CPNE8: variants seen among roughly 807,000 people sequenced by gnomAD.
CPNE8 encodes copine-8.
A neutral mutation model predicts 81.5 loss-of-function variants in CPNE8; 45 were observed. The observed-to-expected ratio is 0.55, with a 90% CI of 0.44 to 0.71. The LOEUF is 0.71. CPNE8 is among the 30% of genes least tolerant of loss of function. The pLI, the probability that CPNE8 is intolerant of heterozygous loss-of-function variation, is 0.00. For synonymous variants in CPNE8, 252 were observed against 226.3 expected (o/e 1.11, Z -1.02); for missense variants, 594 against 672.1 (o/e 0.88, Z 1.28).
chr12:38,659,447 A>G (rs1386368459), intron 19 of CPNE8, among the ~76,000 whole-genome samples: 1 of 152,136 alleles, frequency 6.6e-6, no homozygotes, highest in African/African-American at 2.4e-5. Flanking sequence ...ACACAATAAT[A>G]ATGGGAGACT....
At chr12:38,904,943 A>T (rs1374422459) in intron 1 of CPNE8, among the ~76,000 whole-genome samples, 1 of 152,162 alleles carries the variant, frequency 6.6e-6, no homozygotes, top group Non-Finnish European at 1.5e-5. Context: ...GGGGAGAAGC[A>T]AGCTGGAAGG....
At chr12:38,759,683 T>C (rs1300996878) in intron 10 of CPNE8, among the ~76,000 whole-genome samples, 3 of 152,126 alleles carry the variant, frequency 2.0e-5, no homozygotes, top group Non-Finnish European at 4.4e-5. Context: ...GCAGCTAAAG[T>C]GTAGAATAAT....
intron 10 of CPNE8, among the ~76,000 whole-genome samples, chr12:38,758,428 T>A (rs1941507970): frequency 6.6e-6 from 1 of 152,178 alleles, no homozygotes; most frequent in Non-Finnish European, 1.5e-5. Flanking sequence ...ACTATCACAT[T>A]AAAGTATCAC....
At chr12:38,685,407 T>G in intron 16 of CPNE8, 83 bp downstream of exon 16, 1 of 1,432,612 alleles carries the variant, frequency 7.0e-7, no homozygotes, top group Non-Finnish European at 9.4e-7. Flanking sequence ...AACTTTCATG[T>G]GTGGAGTCAT....
chr12:38,847,216 T>C (rs1333961444), intron 4 of CPNE8, among the ~76,000 whole-genome samples: 5 of 151,426 alleles, frequency 3.3e-5, no homozygotes, highest in African/African-American at 1.2e-4. Flanking sequence ...TGCAGATGAA[T>C]GAGAAAGGAA....
rs11503908 is a variant in CPNE8, at chr12:38,799,167, G to A, written c.408-22866C>T. 5.4e-3 allele frequency among the ~76,000 whole-genome samples: 828 copies of A among 152,048 alleles called. 10 individuals carry two copies. Among genetic ancestry groups the A allele is most frequent in the African/African-American group, 0.018 (765 of 41,464 alleles). The stretch of plus-strand genomic sequence containing the variant: ...AGACAGAAAGTTAACAAGCATACCC[G>A]GGAATTGAACTCATCTCTGCACCAA... On this transcript the variant is annotated intron_variant, in intron 6 of 19. Transcript: ENST00000331366.
chr12:38,798,478 A>G (rs369530976), intron 6 of CPNE8, among the ~76,000 whole-genome samples: 1 of 152,088 alleles, frequency 6.6e-6, no homozygotes, highest in Non-Finnish European at 1.5e-5. Context: ...GAAATAAAAT[A>G]CTTTACAGAC....
intron 13 of CPNE8, among the ~76,000 whole-genome samples, chr12:38,709,917 A>G (rs1323582334): frequency 6.6e-6 from 1 of 152,076 alleles, no homozygotes; most frequent in African/African-American, 2.4e-5. Context: ...CTTATTTTCT[A>G]TCCTTTCTTT....
intron 3 of CPNE8, among the ~76,000 whole-genome samples, chr12:38,850,288 T>C (rs956105342): frequency 6.6e-6 from 1 of 152,104 alleles, no homozygotes; most frequent in Non-Finnish European, 1.5e-5. Context: ...CCAGTACCCA[T>C]ATTCCCAAGT....
intron 1 of CPNE8, among the ~76,000 whole-genome samples, chr12:38,887,697 AAG>A (rs1218824565): frequency 2.0e-5 from 3 of 152,216 alleles, no homozygotes; most frequent in African/African-American, 7.2e-5. Context: ...ACTGTATCAG[AAG>A]GAATTTCTAT....
chr12:38,796,017 T>C (rs1186102027), intron 6 of CPNE8, among the ~76,000 whole-genome samples: 1 of 152,130 alleles, frequency 6.6e-6, no homozygotes, highest in Non-Finnish European at 1.5e-5. Flanking sequence ...TCCCAGCACT[T>C]TGAGAGGCCG....
intron 8 of CPNE8, among the ~76,000 whole-genome samples, chr12:38,763,423 G>C (rs1001764657): frequency 6.6e-6 from 1 of 152,206 alleles, no homozygotes; most frequent in African/African-American, 2.4e-5. Flanking sequence ...AGGAAAAAAG[G>C]AGTAGAATTC....
intron 4 of CPNE8, among the ~76,000 whole-genome samples, chr12:38,842,005 T>C (rs1464891519): frequency 6.7e-6 from 1 of 150,248 alleles, no homozygotes; most frequent in Non-Finnish European, 1.5e-5. Context: ...TTTATTTTCA[T>C]ACTTTAATAA....
At chr12:38,825,548 A>T (rs1943174880) in intron 6 of CPNE8, among the ~76,000 whole-genome samples, 1 of 152,212 alleles carries the variant, frequency 6.6e-6, no homozygotes, top group African/African-American at 2.4e-5. Flanking sequence ...GTGCTTTTTC[A>T]AACAAAAAGT....
intron 1 of CPNE8, among the ~76,000 whole-genome samples, chr12:38,883,644 T>C: frequency 6.6e-6 from 1 of 152,234 alleles, no homozygotes; most frequent in East Asian, 1.9e-4. Flanking sequence ...GTATGTGAGC[T>C]ATGCAGCTCT....
chr12:38,739,525 A>C (rs1312254445), intron 10 of CPNE8, among the ~76,000 whole-genome samples: 1 of 152,158 alleles, frequency 6.6e-6, no homozygotes, highest in South Asian at 2.1e-4. Flanking sequence ...TGAATATTCT[A>C]TGAAAATGAA....
intron 16 of CPNE8, among the ~76,000 whole-genome samples, chr12:38,682,713 G>A (rs1313231023): frequency 1.3e-5 from 2 of 152,156 alleles, no homozygotes; most frequent in African/African-American, 4.8e-5. Context: ...AGATCTACAT[G>A]TAACCACAGA....
At chr12:38,676,140 A>G in intron 17 of CPNE8, 1 of 481,966 alleles carries the variant, frequency 2.1e-6, no homozygotes, top group Non-Finnish European at 2.7e-6. Context: ...TTAAAAAAGA[A>G]AAAATAATAA....
At chr12:38,720,190 G>T (rs1429243441) in intron 13 of CPNE8, among the ~76,000 whole-genome samples, 2 of 152,184 alleles carry the variant, frequency 1.3e-5, no homozygotes, top group Non-Finnish European at 2.9e-5. Context: ...CACAGGCAGT[G>T]CTATAAGTAG....
Sources: allele counts gnomAD v4.1 joint callset (sites outside exome capture counted in the v4.1 genomes callset), GRCh38; gene constraint gnomAD v4.1.1; transcripts MANE v1.5; gene names NCBI Gene and HGNC (gene_info 2026-07-23, HGNC 2026-07-21).